SAMD5: variants seen among roughly 807,000 people sequenced by gnomAD.
The protein encoded by SAMD5 is sterile alpha motif domain-containing protein 5.
In SAMD5, 13 loss-of-function variants were observed where a neutral mutation model predicts 11.3. That is an observed-to-expected ratio of 1.15 (90% CI 0.75 to 1.83). The LOEUF (loss-of-function observed/expected upper bound fraction) is 1.83, where lower values mean the gene tolerates loss of function less well. Ranked by LOEUF, SAMD5 falls within the 40% of genes most tolerant of loss-of-function variation. The probability of loss-of-function intolerance (pLI) is 0.00; values close to 1 mark genes in which losing one functional copy is unlikely to be tolerated. For missense variants in SAMD5, 255 were observed against 239.1 expected (o/e 1.07, Z -0.44); for synonymous variants, 129 against 111.3 (o/e 1.16, Z -1.00).
chr6:147,815,500 G>A, the SAMD5 span, among the ~76,000 whole-genome samples: 5 of 152,202 alleles, frequency 3.3e-5, no homozygotes, highest in East Asian at 9.6e-4. Flanking sequence ...TCTACCTTAT[G>A]TAGCATTAGA....
At chr6:147,637,612 C>G (rs6908677) in intron 1 of SAMD5, among the ~76,000 whole-genome samples, 9,251 of 152,078 alleles carry the variant, frequency 0.061, 921 homozygotes, top group African/African-American at 0.21. Flanking sequence ...AAGACATAGG[C>G]GAGGGATTAT....
intron 1 of SAMD5, among the ~76,000 whole-genome samples, chr6:147,705,436 T>TG (rs1791312593): frequency 3.4e-5 from 5 of 145,932 alleles, no homozygotes; most frequent in African/African-American, 1.3e-4. Context: ...GATGCATCTA[T>TG]CCATTTAAAT....
chr6:147,633,930 A>G (rs1790187717), intron 1 of SAMD5, among the ~76,000 whole-genome samples: 1 of 152,090 alleles, frequency 6.6e-6, no homozygotes, highest in Non-Finnish European at 1.5e-5. Flanking sequence ...ATTTTAGAAC[A>G]TTTTATTCAC....
chr6:147,854,482 T>C, the SAMD5 span, among the ~76,000 whole-genome samples: 1 of 152,140 alleles, frequency 6.6e-6, no homozygotes, highest in Admixed American at 6.5e-5. Flanking sequence ...ACTTTGAAAT[T>C]AGCAGAGGTT....
At chr6:147,630,855 T>A (rs1170352643) in intron 1 of SAMD5, among the ~76,000 whole-genome samples, 1 of 152,152 alleles carries the variant, frequency 6.6e-6, no homozygotes, top group African/African-American at 2.4e-5. Flanking sequence ...GGAGATGCGT[T>A]TTATCCATAA....
At chr6:147,671,043 T>A (rs1169422189) in intron 1 of SAMD5, among the ~76,000 whole-genome samples, 3 of 152,232 alleles carry the variant, frequency 2.0e-5, no homozygotes, top group African/African-American at 7.2e-5. Flanking sequence ...GAGATCATTG[T>A]AAGCTTATTA....
At chr6:147,771,009 A>G in the SAMD5 span, among the ~76,000 whole-genome samples, 2 of 152,236 alleles carry the variant, frequency 1.3e-5, no homozygotes, top group African/African-American at 4.8e-5. Context: ...TGTCCTTTCT[A>G]AAATTCTACA....
chr6:147,587,707 G>A (rs1789395632), intron 1 of SAMD5, among the ~76,000 whole-genome samples: 1 of 152,152 alleles, frequency 6.6e-6, no homozygotes. Flanking sequence ...TTACTATAGA[G>A]TTACTTTTTC....
At chr6:147,628,977 G>A (rs562365616) in intron 1 of SAMD5, among the ~76,000 whole-genome samples, 1 of 152,206 alleles carries the variant, frequency 6.6e-6, no homozygotes, top group African/African-American at 2.4e-5. Flanking sequence ...TTCTTGGGTA[G>A]ATAGATATTG....
chr6:147,915,646 C>T, the SAMD5 span, among the ~76,000 whole-genome samples: 2 of 152,196 alleles, frequency 1.3e-5, no homozygotes, highest in East Asian at 3.8e-4. Flanking sequence ...CCATTCACAT[C>T]TAAACATACT....
chr6:147,863,666 G>A, the SAMD5 span, among the ~76,000 whole-genome samples: 1 of 150,054 alleles, frequency 6.7e-6, no homozygotes, highest in East Asian at 2.0e-4. Context: ...CCATGTCATC[G>A]TTTCAGATAG....
At chr6:147,953,135 C>A in the SAMD5 span, among the ~76,000 whole-genome samples, 1 of 152,106 alleles carries the variant, frequency 6.6e-6, no homozygotes, top group African/African-American at 2.4e-5. Flanking sequence ...TCATCTAATT[C>A]CAGTTTACTT....
chr6:147,843,481 T>A, the SAMD5 span, among the ~76,000 whole-genome samples: 1 of 151,712 alleles, frequency 6.6e-6, no homozygotes, highest in Non-Finnish European at 1.5e-5. Flanking sequence ...TTCACAGAAA[T>A]TTTTTTTTAA....
At position 147,564,812 on chromosome 6, in the gene SAMD5, C is replaced by T; in HGVS notation, c.*356C>T. ...TTTGAGTCATAACTTAGTTTAAGTA[C>T]AATATAACAAAAAGGTAGATTTCTG... On this transcript the variant is annotated 3_prime_UTR_variant, in exon 2 of 2. Transcript: ENST00000367474. The T allele has an allele frequency of 2.0e-6, 2 of 984,812 alleles. No homozygotes were observed. Among genetic ancestry groups the T allele is most frequent in the Non-Finnish European group, 2.4e-6 (2 of 826,688 alleles). The allele number at this position is 984,812 out of a possible 1,614,324, so 61.0% of individuals were successfully genotyped here.
chr6:147,934,394 G>A, the SAMD5 span, among the ~76,000 whole-genome samples: 609 of 152,282 alleles, frequency 4.0e-3, 3 homozygotes, highest in African/African-American at 0.013. Flanking sequence ...TTGGTTCCAA[G>A]GTCTCTCTTG....
chr6:147,701,142 C>T (rs532387968), intron 1 of SAMD5, among the ~76,000 whole-genome samples: 9 of 151,916 alleles, frequency 5.9e-5, no homozygotes, highest in South Asian at 2.1e-4. Context: ...AATAAACAGC[C>T]GTTATTTGAG....
chr6:147,529,620 C>T (rs919212876), intron 1 of SAMD5, among the ~76,000 whole-genome samples: 1 of 152,190 alleles, frequency 6.6e-6, no homozygotes, highest in African/African-American at 2.4e-5. Context: ...GAATATAGCA[C>T]ACATAGAAAA....
chr6:147,897,359 C>T, the SAMD5 span, among the ~76,000 whole-genome samples: 2,057 of 152,272 alleles, frequency 0.014, 24 homozygotes, highest in South Asian at 0.025. Flanking sequence ...ACCAGCCTTA[C>T]GTCTGGACTA....
intron 1 of SAMD5, among the ~76,000 whole-genome samples, chr6:147,653,437 A>G (rs954647785): frequency 6.6e-5 from 10 of 152,240 alleles, no homozygotes; most frequent in Non-Finnish European, 1.0e-4. Context: ...GACTTCACAC[A>G]TCCATATGCA....
Sources: gnomAD v4.1 joint callset for allele counts (sites outside exome capture counted in the v4.1 genomes callset) on GRCh38, gnomAD v4.1.1 for gene constraint, MANE v1.5 for transcripts, NCBI Gene and HGNC (gene_info 2026-07-23, HGNC 2026-07-21) for gene names.